The following HPSE2 variants were observed in gnomAD, a reference collection of about 807,000 sequenced individuals.
HPSE2 encodes the protein inactive heparanase-2.
A neutral mutation model predicts 60.5 loss-of-function variants in HPSE2; 38 were observed. The observed-to-expected ratio is 0.63, with a 90% CI of 0.48 to 0.82. The LOEUF (loss-of-function observed/expected upper bound fraction) is 0.82, where lower values mean the gene tolerates loss of function less well. Among genes scored for constraint, HPSE2 ranks in the 40% least tolerant of loss-of-function variants. HPSE2 has a pLI of 0.00. For synonymous variants in HPSE2, 295 were observed against 293.2 expected (o/e 1.01, Z -0.06); for missense variants, 713 against 740.4 (o/e 0.96, Z 0.43).
chr10:98,497,479 C>A (rs911650920), intron 9 of HPSE2, among the ~76,000 whole-genome samples: 3 of 152,094 alleles, frequency 2.0e-5, no homozygotes, highest in Non-Finnish European at 4.4e-5. Context: ...ACTGAACTCT[C>A]AATTTTTAAT....
chr10:99,305,969 G>GCA, the HPSE2 span, among the ~76,000 whole-genome samples: 32 of 50,920 alleles, frequency 6.3e-4, no homozygotes, highest in East Asian at 3.1e-3. Flanking sequence ...ACACGCGCGC[G>GCA]CGCGCGCGCG....
chr10:99,190,772 G>T (rs187233716), intron 2 of HPSE2, among the ~76,000 whole-genome samples: 1 of 152,190 alleles, frequency 6.6e-6, no homozygotes, highest in Non-Finnish European at 1.5e-5. Context: ...AAAAAAATCA[G>T]CTTGGGTACC....
At chr10:99,157,003 T>C (rs1406588610) in intron 2 of HPSE2, among the ~76,000 whole-genome samples, 1 of 131,370 alleles carries the variant, frequency 7.6e-6, no homozygotes, top group African/African-American at 2.6e-5. Flanking sequence ...CATTCACAAT[T>C]GCTTCAAAGA....
intron 3 of HPSE2, among the ~76,000 whole-genome samples, chr10:98,858,339 AAAACCCC>A (rs1315920058): frequency 6.6e-6 from 1 of 152,222 alleles, no homozygotes; most frequent in Non-Finnish European, 1.5e-5. Flanking sequence ...AAACAAAAAC[AAAACCCC>A]TGTGAAGCAT....
chr10:99,103,716 C>T (rs975209650), intron 3 of HPSE2, among the ~76,000 whole-genome samples: 2 of 152,178 alleles, frequency 1.3e-5, no homozygotes, highest in African/African-American at 2.4e-5. Context: ...AGGCATCATA[C>T]TACCTGACTT....
chr10:98,489,378 C>A (rs1941558433), intron 10 of HPSE2, among the ~76,000 whole-genome samples: 1 of 152,222 alleles, frequency 6.6e-6, no homozygotes, highest in Non-Finnish European at 1.5e-5. Context: ...ACTGTAATGA[C>A]AACCAGTTCT....
the HPSE2 span, among the ~76,000 whole-genome samples, chr10:99,307,750 G>A: frequency 6.6e-6 from 1 of 151,460 alleles, no homozygotes; most frequent in East Asian, 1.9e-4. Context: ...CTGATTATAT[G>A]AATTTGAGAA....
At chr10:98,880,797 G>A (rs146435508) in intron 3 of HPSE2, among the ~76,000 whole-genome samples, 129 of 152,128 alleles carry the variant, frequency 8.5e-4, no homozygotes, top group Admixed American at 5.6e-3. Context: ...TTTTTTCCAT[G>A]TTTAAATATG....
intron 4 of HPSE2, among the ~76,000 whole-genome samples, chr10:98,725,873 A>G (rs1341731006): frequency 6.6e-6 from 1 of 152,216 alleles, no homozygotes; most frequent in East Asian, 1.9e-4. Context: ...CAGCCAAAAA[A>G]CACATGAAAA....
At chr10:99,234,126 G>T (rs1233556145) in intron 1 of HPSE2, among the ~76,000 whole-genome samples, 1 of 152,340 alleles carries the variant, frequency 6.6e-6, no homozygotes, top group African/African-American at 2.4e-5. Flanking sequence ...TCTGCTGCAC[G>T]AAAGAGCTTT....
At chr10:98,843,847 A>G (rs7087272) in intron 3 of HPSE2, among the ~76,000 whole-genome samples, 21,583 of 152,244 alleles carry the variant, frequency 0.14, 2,155 homozygotes, top group African/African-American at 0.27. Context: ...GAACAAAAGC[A>G]ATAAAATTCT....
chr10:99,219,467 T>G (rs1278641442), intron 2 of HPSE2, among the ~76,000 whole-genome samples: 1 of 152,092 alleles, frequency 6.6e-6, no homozygotes, highest in African/African-American at 2.4e-5. Context: ...ACAGACCCAC[T>G]CTAGTCTCCC....
intron 9 of HPSE2, 147 bp downstream of exon 9, chr10:98,614,757 G>A (rs989118239): frequency 1.3e-5 from 9 of 695,528 alleles, no homozygotes; most frequent in Non-Finnish European, 2.3e-5. Context: ...ACGGATCAAG[G>A]GAACAAAGAC....
chr10:98,733,132 T>C (rs1404138703), intron 4 of HPSE2, among the ~76,000 whole-genome samples: 1 of 152,298 alleles, frequency 6.6e-6, no homozygotes. Context: ...TGTGTGTGTA[T>C]GTGTGTGACA....
At chr10:99,184,819 T>TATATATAGAGAGAG (rs1554912295) in intron 2 of HPSE2, among the ~76,000 whole-genome samples, 5 of 19,856 alleles carry the variant, frequency 2.5e-4, no homozygotes, top group Non-Finnish European at 3.9e-4. Context: ...TATATATATA[T>TATATATAGAGAGAG]AGAGAGAGAG....
chr10:98,765,481 C>T (rs1397428319), intron 3 of HPSE2, among the ~76,000 whole-genome samples: 4 of 152,042 alleles, frequency 2.6e-5, no homozygotes, highest in East Asian at 1.9e-4. Flanking sequence ...TAGAACATAT[C>T]GAAATTTGTG....
chr10:98,665,499 G>A (rs1286351696), intron 6 of HPSE2, among the ~76,000 whole-genome samples: 1 of 152,102 alleles, frequency 6.6e-6, no homozygotes, highest in East Asian at 1.9e-4. Flanking sequence ...ATTCACCATG[G>A]TAAATGAAAA....
chr10:98,932,266 T>C (rs922148325), intron 3 of HPSE2, among the ~76,000 whole-genome samples: 1 of 144,472 alleles, frequency 6.9e-6, no homozygotes, highest in Non-Finnish European at 1.5e-5. Context: ...TGTGATGAAT[T>C]ACATTTATTG....
chr10:99,145,602 T>TGA (rs141126212), intron 2 of HPSE2, among the ~76,000 whole-genome samples: 1 of 151,804 alleles, frequency 6.6e-6, no homozygotes, highest in East Asian at 1.9e-4. Context: ...GTAATCTAGG[T>TGA]GGCAACTCTA....
Sources: gnomAD v4.1 joint callset for allele counts (sites outside exome capture counted in the v4.1 genomes callset) on GRCh38, gnomAD v4.1.1 for gene constraint, MANE v1.5 for transcripts, NCBI Gene and HGNC (gene_info 2026-07-23, HGNC 2026-07-21) for gene names.